The following COL4A4 variants were observed in gnomAD, a reference collection of about 807,000 sequenced individuals.
The protein encoded by COL4A4 is collagen type IV alpha 4 chain.
A neutral mutation model predicts 192.9 loss-of-function variants in COL4A4; 105 were observed. The observed-to-expected ratio is 0.54, with a 90% CI of 0.46 to 0.64. The LOEUF is 0.64. Among genes scored for constraint, COL4A4 ranks in the 30% least tolerant of loss-of-function variants. The pLI is 0.00. For missense variants in COL4A4, 1,967 were observed against 2,169.3 expected, an observed-to-expected ratio of 0.91 and a Z score of 1.85; for synonymous variants, 762 against 769.9, an observed-to-expected ratio of 0.99 and a Z score of 0.17.
At chr2:227,102,936 C>A (rs1255578035) in intron 14 of COL4A4, 88 bp from the exon 15 acceptor site, 1 of 1,179,836 alleles carries the variant, frequency 8.5e-7, no homozygotes. Flanking sequence ...GGAAAAAAAA[C>A]AAAATGAGAA....
Position 227,062,764 on chromosome 2 carries a change from C to T in COL4A4, c.1988-166G>A, listed in dbSNP as rs1401400096. 2.6e-5 allele frequency among the ~76,000 whole-genome samples: 4 copies of T among 152,064 alleles called. No individual in the cohort carries two copies. The East Asian group carries it at 7.7e-4, about 29-fold the overall frequency. On this transcript the variant is annotated intron_variant, in intron 25 of 47. Coordinates refer to ENST00000396625, the MANE Select transcript of COL4A4 (RefSeq NM_000092.5). ...TTAGATCACTTAAGCTGCTTTCATA[C>T]AGAATTTTTAGATTTTTCCTGAAAT...
chr2:227,101,963 C>A, intron 15 of COL4A4, 54 bp from the exon 16 acceptor site: 4 of 1,269,958 alleles, frequency 3.1e-6, no homozygotes, highest in Non-Finnish European at 4.5e-6. Flanking sequence ...ATGCATTAAC[C>A]AGCTCAGTGC....
chr2:227,159,567 A>G (rs2064648780), intron 1 of COL4A4, among the ~76,000 whole-genome samples: 1 of 152,252 alleles, frequency 6.6e-6, no homozygotes, highest in Non-Finnish European at 1.5e-5. Context: ...TTGTAATCAC[A>G]TAATCCCCAT....
chr2:227,021,590 C>T (rs940716005), intron 44 of COL4A4, among the ~76,000 whole-genome samples: 3 of 152,114 alleles, frequency 2.0e-5, no homozygotes, highest in Admixed American at 6.5e-5. Context: ...CTTTGGGAGG[C>T]TGAGGCAGGC....
intron 1 of COL4A4, among the ~76,000 whole-genome samples, chr2:227,152,820 T>C (rs925841630): frequency 1.3e-5 from 2 of 152,342 alleles, no homozygotes; most frequent in Admixed American, 1.3e-4. Context: ...TTCCCACGAA[T>C]GAATAGGTGT....
At position 227,033,527 on chromosome 2, in the gene COL4A4, G is replaced by A. The variant is rs752872870; in HGVS notation, c.3506-46C>T. ...GTGACCCAAAGGAAGACCAGCCACC[G>A]GTACTCACTCTAGCCACAAACGCAG... On this transcript the variant is annotated intron_variant, in intron 37 of 47. Coordinates refer to ENST00000396625, the MANE Select transcript of COL4A4 (RefSeq NM_000092.5). The A allele has an allele frequency of 7.8e-6, 12 of 1,543,478 alleles. No homozygotes were observed. In the African/African-American group the frequency reaches 8.1e-5, roughly 10 times the overall value.
chr2:226,991,434 C>T, the COL4A4 span, among the ~76,000 whole-genome samples: 1 of 152,236 alleles, frequency 6.6e-6, no homozygotes, highest in Admixed American at 6.5e-5. Flanking sequence ...CCCGCCTCAG[C>T]CTCCCAAAGT....
intron 22 of COL4A4, among the ~76,000 whole-genome samples, chr2:227,086,168 T>C (rs74664332): frequency 0.015 from 2,342 of 152,304 alleles, 42 homozygotes; most frequent in African/African-American, 0.053. Context: ...AGGCAATGAA[T>C]GCAAAGACTT....
At chr2:227,140,930 G>T (rs2063166961) in intron 3 of COL4A4, among the ~76,000 whole-genome samples, 1 of 143,376 alleles carries the variant, frequency 7.0e-6, no homozygotes, top group Admixed American at 7.0e-5. Flanking sequence ...CACCCTTTAG[G>T]AAGAATCAGC....
At chr2:227,016,367 A>G (rs961196313) in intron 44 of COL4A4, among the ~76,000 whole-genome samples, 3 of 152,170 alleles carry the variant, frequency 2.0e-5, no homozygotes, top group Admixed American at 6.5e-5. Context: ...ATCACACTGA[A>G]TAAGACAATA....
the COL4A4 span, among the ~76,000 whole-genome samples, chr2:226,972,908 AGAAAG>A: frequency 1.3e-5 from 2 of 150,518 alleles, no homozygotes; most frequent in Non-Finnish European, 2.9e-5. Context: ...CTAAAGTTAA[AGAAAG>A]GAAGGAAGCC....
downstream of COL4A4, chr2:226,998,251 C>T (rs1275309322): frequency 1.3e-5 from 2 of 152,200 alleles, no homozygotes; most frequent in African/African-American, 2.4e-5. Context: ...GTTCAGACCT[C>T]CTCCATCCTT....
intron 33 of COL4A4, among the ~76,000 whole-genome samples, chr2:227,050,560 T>G (rs1420260841): frequency 1.3e-5 from 2 of 152,252 alleles, no homozygotes; most frequent in African/African-American, 4.8e-5. Flanking sequence ...TTGTACCTCC[T>G]GGATTCTGAA....
the COL4A4 span, among the ~76,000 whole-genome samples, chr2:226,978,739 G>A: frequency 3.3e-5 from 5 of 152,288 alleles, no homozygotes; most frequent in South Asian, 8.3e-4. Flanking sequence ...TGAAGGGAGG[G>A]GATCCTGTGA....
chr2:227,148,704 T>A lies in COL4A4; in HGVS notation c.-101-1120A>T, dbSNP rs1032225398. ...TATTTTAAAACTTGACTCGAAGAAG[T>A]CTTTACTTTGATAAAAGATATATTT... On this transcript the variant is annotated intron_variant, in intron 1 of 47. Transcript: ENST00000396625. 2.0e-5 allele frequency among the ~76,000 whole-genome samples: 3 copies of A among 152,076 alleles called. No homozygotes were observed. The East Asian group carries it at 5.8e-4, about 29-fold the overall frequency.
chr2:227,078,162 G>A lies in COL4A4; in HGVS notation c.1804-85C>T, dbSNP rs147114123. On this transcript the variant is annotated intron_variant, in intron 24 of 47. Transcript: ENST00000396625. ...GTCATTGTAGGTTACAGAAACACACGCAAAAGTCCATAATTTCAGGAGACA... is the reference window on the plus strand; with the variant it reads ...GTCATTGTAGGTTACAGAAACACACACAAAAGTCCATAATTTCAGGAGACA... 2.1e-4 allele frequency: 289 copies of A among 1,361,818 alleles called. 1 individual carries two copies. The African/African-American group carries it at 3.5e-3, about 16-fold the overall frequency. 84.4% of individuals were successfully genotyped at this position (1,361,818 alleles called of 1,614,324 possible).
downstream of COL4A4, among the ~76,000 whole-genome samples, chr2:226,999,728 A>G (rs544518932): frequency 6.6e-6 from 1 of 152,310 alleles, no homozygotes; most frequent in African/African-American, 2.4e-5. Flanking sequence ...CATAAAATCA[A>G]TGGCATCATG....
At chr2:227,091,902 A>AAAAG (rs1235172590) in intron 20 of COL4A4, among the ~76,000 whole-genome samples, 114 of 106,652 alleles carry the variant, frequency 1.1e-3, no homozygotes, top group South Asian at 8.1e-3. Context: ...TCAGGAAGAA[A>AAAAG]AAAGAAAGAA....
intron 32 of COL4A4, among the ~76,000 whole-genome samples, chr2:227,051,854 G>C (rs1974174165): frequency 6.6e-6 from 1 of 152,168 alleles, no homozygotes; most frequent in East Asian, 1.9e-4. Context: ...GCATGGAGAA[G>C]CAAAAAATGT....
Sources: gnomAD v4.1 joint callset for allele counts (sites outside exome capture counted in the v4.1 genomes callset) on GRCh38, gnomAD v4.1.1 for gene constraint, MANE v1.5 for transcripts, NCBI Gene and HGNC (gene_info 2026-07-23, HGNC 2026-07-21) for gene names.